FHIT: variants seen among roughly 807,000 people sequenced by gnomAD.
FHIT encodes the protein fragile histidine triad diadenosine triphosphatase, also known as bis(5'-adenosyl)-triphosphatase.
In FHIT, 19 loss-of-function variants were observed where a neutral mutation model predicts 17.9. The ratio of observed to expected loss-of-function variants is 1.06; its 90% CI spans 0.74 to 1.56. FHIT has a LOEUF of 1.56. Among genes scored for constraint, FHIT ranks in the 40% most tolerant of loss-of-function variants. The pLI is 0.00. For synonymous variants in FHIT, 81 were observed against 69.7 expected (o/e 1.16, Z -0.81); for missense variants, 248 against 189.2 (o/e 1.31, Z -1.82).
At chr3:60,491,433 C>A (rs2034062011) in intron 5 of FHIT, among the ~76,000 whole-genome samples, 1 of 151,558 alleles carries the variant, frequency 6.6e-6, no homozygotes, top group Non-Finnish European at 1.5e-5. Flanking sequence ...AAAAAAAGGC[C>A]AACCAGAACA....
intron 5 of FHIT, among the ~76,000 whole-genome samples, chr3:60,355,721 A>C (rs893138841): frequency 3.9e-5 from 6 of 152,172 alleles, no homozygotes; most frequent in Non-Finnish European, 8.8e-5. Context: ...TTTTGTCACA[A>C]ATTTTTTTTT....
chr3:60,116,768 C>A (rs748698344), intron 5 of FHIT, among the ~76,000 whole-genome samples: 1 of 152,104 alleles, frequency 6.6e-6, no homozygotes, highest in African/African-American at 2.4e-5. Context: ...AGAAATCACA[C>A]CATGACGCAA....
At chr3:60,690,823 A>C (rs2040970118) in intron 4 of FHIT, 6 of 328,018 alleles carry the variant, frequency 1.8e-5, no homozygotes, top group South Asian at 1.6e-4. Context: ...GTGCTTCCTA[A>C]ATGTTAGTAT....
chr3:60,630,223 A>C (rs2107770684), intron 4 of FHIT, among the ~76,000 whole-genome samples: 1 of 152,340 alleles, frequency 6.6e-6, no homozygotes, highest in African/African-American at 2.4e-5. Context: ...TGGTATCATT[A>C]ACTGATGTGA....
At chr3:60,073,826 T>C (rs773325899) in intron 5 of FHIT, among the ~76,000 whole-genome samples, 2 of 152,120 alleles carry the variant, frequency 1.3e-5, no homozygotes, top group Non-Finnish European at 2.9e-5. Context: ...TCCTGCAACC[T>C]CCAGCTTGAT....
Position 60,799,397 on chromosome 3 carries a change from C to T in FHIT, c.-18+22522G>A, listed in dbSNP as rs1397988037. Among the ~76,000 whole-genome samples, 3 of 152,218 alleles carry T rather than the reference C, an allele frequency of 2.0e-5. No individual in the cohort carries two copies. The East Asian group carries it at 5.8e-4, about 29-fold the overall frequency. On this transcript the variant is annotated intron_variant, in intron 4 of 9. Transcript: ENST00000492590. ...CCATGTTGGTCAGGCTGGTCTCCAA[C>T]TCTCGCCCTCAGGTAATCCACCTGC... is the stretch of plus-strand genomic sequence containing the variant.
chr3:60,919,399 GTT>G (rs5849401), intron 3 of FHIT, among the ~76,000 whole-genome samples: 1 of 144,462 alleles, frequency 6.9e-6, no homozygotes, highest in South Asian at 2.2e-4. Context: ...CACAACCACA[GTT>G]TTTTTTTTTT....
chr3:59,855,548 AT>A (rs1407996537), intron 8 of FHIT, among the ~76,000 whole-genome samples: 1 of 152,204 alleles, frequency 6.6e-6, no homozygotes, highest in Admixed American at 6.5e-5. Context: ...CTACAACTGA[AT>A]AATAATGAAA....
At chr3:60,847,777 G>C (rs1286057140) in intron 3 of FHIT, among the ~76,000 whole-genome samples, 3 of 151,988 alleles carry the variant, frequency 2.0e-5, no homozygotes, top group African/African-American at 7.3e-5. Context: ...AAGAAGGAAA[G>C]TCAAATGAAT....
rs556865755 is a variant in FHIT, at chr3:60,692,132, C to T, written c.-18+129787G>A. Among the ~76,000 whole-genome samples the T allele has an allele frequency of 3.9e-5, 6 of 152,298 alleles. No individual in the cohort carries two copies. The South Asian group carries it at 1.2e-3, about 32-fold the overall frequency. The stretch of plus-strand genomic sequence containing the variant: ...CACCTAGCATACCTGTTGGGATTGG[C>T]ATAGACTCATCTTGTATCACTACCT... On this transcript the variant is annotated intron_variant, in intron 4 of 9. Coordinates refer to ENST00000492590, the MANE Select transcript of FHIT (RefSeq NM_002012.4).
At chr3:61,056,634 G>A (rs2034234163) in intron 2 of FHIT, among the ~76,000 whole-genome samples, 1 of 152,192 alleles carries the variant, frequency 6.6e-6, no homozygotes, top group Admixed American at 6.5e-5. Flanking sequence ...GCCTTGGGAA[G>A]TGCATTCCCA....
chr3:59,855,546 GAAT>G (rs1402140634), intron 8 of FHIT, among the ~76,000 whole-genome samples: 2 of 151,978 alleles, frequency 1.3e-5, no homozygotes, highest in African/African-American at 4.8e-5. Context: ...ACCTACAACT[GAAT>G]AATAATGAAA....
chr3:60,498,757 T>A (rs2034404468), intron 5 of FHIT, among the ~76,000 whole-genome samples: 1 of 152,116 alleles, frequency 6.6e-6, no homozygotes, highest in Admixed American at 6.5e-5. Context: ...TTTACCTGAT[T>A]CTAGGACCTG....
intron 2 of FHIT, among the ~76,000 whole-genome samples, chr3:61,168,852 T>C (rs1167927012): frequency 6.6e-6 from 1 of 152,230 alleles, no homozygotes; most frequent in Non-Finnish European, 1.5e-5. Context: ...GAAAGGTATT[T>C]CTTTTTCTTT....
intron 7 of FHIT, among the ~76,000 whole-genome samples, chr3:59,967,387 C>A (rs1287590895): frequency 6.6e-6 from 1 of 152,106 alleles, no homozygotes; most frequent in East Asian, 1.9e-4. Context: ...TTTTATACGA[C>A]TGGCAGCATA....
At chr3:60,257,096 T>C (rs1162784851) in intron 5 of FHIT, among the ~76,000 whole-genome samples, 1 of 152,216 alleles carries the variant, frequency 6.6e-6, no homozygotes, top group Non-Finnish European at 1.5e-5. Flanking sequence ...CATTTCAATA[T>C]TCCTGTTTTA....
chr3:60,686,540 T>C (rs1559639902), intron 4 of FHIT, among the ~76,000 whole-genome samples: 1 of 152,022 alleles, frequency 6.6e-6, no homozygotes, highest in Non-Finnish European at 1.5e-5. Flanking sequence ...TTGCTTTTTT[T>C]TTAATCCTTT....
intron 4 of FHIT, among the ~76,000 whole-genome samples, chr3:60,607,875 AG>A: frequency 6.6e-6 from 1 of 152,132 alleles, no homozygotes; most frequent in East Asian, 1.9e-4. Context: ...TGAAAATCAG[AG>A]GGGAAATAAA....
At chr3:59,847,456 T>C (rs930311720) in intron 8 of FHIT, among the ~76,000 whole-genome samples, 1 of 152,204 alleles carries the variant, frequency 6.6e-6, no homozygotes, top group Admixed American at 6.5e-5. Flanking sequence ...TCTTTATTGA[T>C]GTTGCCCTTT....
Sources: gnomAD v4.1 joint callset for allele counts (sites outside exome capture counted in the v4.1 genomes callset) on GRCh38, gnomAD v4.1.1 for gene constraint, MANE v1.5 for transcripts, NCBI Gene and HGNC (gene_info 2026-07-23, HGNC 2026-07-21) for gene names.